NUS1: variants seen among roughly 807,000 people sequenced by gnomAD.
The protein encoded by NUS1 is NUS1 dehydrodolichyl diphosphate synthase subunit.
For missense variants in NUS1, 292 were observed against 382.9 expected (o/e 0.76, Z 1.98); for synonymous variants, 135 against 155.2 (o/e 0.87, Z 0.97).
rs979892741 is a variant in NUS1 at position 117,706,795 on chromosome 6, A to G, written c.792-130A>G. On this transcript the variant is annotated intron_variant, in intron 4 of 4. Coordinates refer to ENST00000368494, the MANE Select transcript of NUS1 (RefSeq NM_138459.5). The stretch of plus-strand genomic sequence containing the variant: ...GATTAAGACATTTTCCGTGCCTGTC[A>G]TGGTGCTGTCTGGTGGAGGATAATT... The G allele has an allele frequency of 1.0e-5, 7 of 694,610 alleles. No individual in the cohort carries two copies. The African/African-American group carries it at 1.3e-4, about 12-fold the overall frequency. 43.0% of individuals were successfully genotyped at this position (694,610 alleles called of 1,614,324 possible).
intron 1 of NUS1, among the ~76,000 whole-genome samples, chr6:117,687,770 G>C (rs570636560): frequency 1.3e-5 from 2 of 152,296 alleles, no homozygotes; most frequent in East Asian, 3.9e-4. Flanking sequence ...TGTTAATGTT[G>C]GGCTGAGCAG....
chr6:117,703,554 G>T (rs1562182966), intron 3 of NUS1, 51 bp from the exon 4 acceptor site: 2 of 1,211,456 alleles, frequency 1.7e-6, no homozygotes, highest in Middle Eastern at 2.0e-4. Context: ...GTGTGTGTGT[G>T]TGTGCACATG....
intron 1 of NUS1, among the ~76,000 whole-genome samples, chr6:117,689,147 A>G (rs1773180703): frequency 6.6e-6 from 1 of 152,172 alleles, no homozygotes; most frequent in Non-Finnish European, 1.5e-5. Flanking sequence ...ATAAAGATAG[A>G]ATTTTGAGAA....
rs542967012 is a variant in NUS1 at position 117,708,238 on chromosome 6, G to C, written c.*1223G>C. ...TCTTTTATGACAGAGAGCAGCACTGGTTCTGTTATTTTTAAAATGAATAAT... is the reference window on the plus strand; with the variant it reads ...TCTTTTATGACAGAGAGCAGCACTGCTTCTGTTATTTTTAAAATGAATAAT... On this transcript the variant is annotated 3_prime_UTR_variant, in exon 5 of 5. Coordinates refer to ENST00000368494, the MANE Select transcript of NUS1 (RefSeq NM_138459.5). 4 of 152,614 alleles carry C rather than the reference G, an allele frequency of 2.6e-5. No homozygotes were observed. The highest frequency in any genetic ancestry group is 6.5e-5 in the Admixed American group (1 of 15,288). The allele number at this position is 152,614 out of a possible 1,614,324, so 9.5% of individuals were successfully genotyped here. A position where few individuals can be genotyped will look rare whatever the true frequency, so the allele number is the denominator to read the frequency against.
In NUS1 at chr6:117,709,631, G is replaced by C. The variant is rs1466678125; in HGVS notation, c.*2616G>C. 5 of 152,022 alleles carry C rather than the reference G, an allele frequency of 3.3e-5. No homozygotes were observed. The highest frequency in any genetic ancestry group is 4.4e-5 in the Non-Finnish European group (3 of 67,838). 9.4% of individuals were successfully genotyped at this position (152,022 alleles called of 1,614,324 possible). ...GTTACTGGATTAGCTCCCTCCTCCTGTGTGATGGTACCATGCATAGAGTCA... is the reference window on the plus strand; with the variant it reads ...GTTACTGGATTAGCTCCCTCCTCCTCTGTGATGGTACCATGCATAGAGTCA... On this transcript the variant is annotated 3_prime_UTR_variant, in exon 5 of 5. Transcript: ENST00000368494.
chr6:117,691,552 G>GATAGAT (rs1258674063), intron 1 of NUS1, among the ~76,000 whole-genome samples: 19 of 37,556 alleles, frequency 5.1e-4, no homozygotes, highest in African/African-American at 1.0e-3. Context: ...CTGTGCCATA[G>GATAGAT]ATATAGATAT....
chr6:117,707,479 C>A lies in NUS1; in HGVS notation c.*464C>A, dbSNP rs1026305251. 5.5e-5 allele frequency: 8 copies of A among 145,174 alleles called. No homozygotes were observed. The highest frequency in any genetic ancestry group is 8.7e-5 in the Non-Finnish European group (6 of 68,872). The allele number at this position is 145,174 out of a possible 1,614,324, so 9.0% of individuals were successfully genotyped here. ...AAGAATAATATATTGACTTACTGAA[C>A]TGAAGCATTCTGAGTTGAAAGGAGC... On this transcript the variant is annotated 3_prime_UTR_variant, in exon 5 of 5. Coordinates refer to ENST00000368494, the MANE Select transcript of NUS1 (RefSeq NM_138459.5).
In NUS1 at chr6:117,694,100, C is replaced by T; in HGVS notation, c.611C>T (p.Ala204Val). The change falls in exon 3 of 5, where the codon GCT becomes GTT. Residue 204 changes from alanine (A) to valine (V), a missense_variant. Transcript: ENST00000368494. ...GGAAAAGCAGATATTGTAAGAGCTG[C>T]TCAGGACTTTTGCCAGTTAGTAGCC... The part of the protein sequence containing the change: ...EDGKADIVRA[A>V]QDFCQLVAQK... 6.2e-7 allele frequency: 1 copy of T among 1,612,700 alleles called. No homozygotes were observed. The highest frequency in any genetic ancestry group is 8.5e-7 in the Non-Finnish European group (1 of 1,179,248).
Position 117,686,258 on chromosome 6 carries a change from T to TA in NUS1, c.416-6773dup, listed in dbSNP as rs1028847521. The stretch of plus-strand genomic sequence containing the variant: ...CTGGGCAACAGAGCAAGATTCCGTC[T>TA]AAAAAAAAAAAGCTCTAGTCCTAGT... On this transcript the variant is annotated intron_variant, in intron 1 of 4. Transcript: ENST00000368494. Among the ~76,000 whole-genome samples the TA allele has an allele frequency of 6.1e-3, 869 of 142,700 alleles. 7 individuals are homozygous for TA. Among genetic ancestry groups the TA allele is most frequent in the Non-Finnish European group, 0.011 (687 of 64,958 alleles). The allele number at this position is 142,700 out of a possible 152,430, so 93.6% of individuals were successfully genotyped here.
In NUS1 at chr6:117,703,665, T is replaced by C; in HGVS notation, c.752T>C (p.Leu251Ser). 1.2e-6 allele frequency: 2 copies of C among 1,613,764 alleles called. No homozygotes were observed. The highest frequency in any genetic ancestry group is 1.7e-6 in the Non-Finnish European group (2 of 1,179,652). The part of the protein sequence containing the change: ...VLKFGPVDST[L>S]GFLPWHIRLT... ...AAGTTCGGTCCTGTGGACAGCACAT[T>C]AGGCTTTCTTCCCTGGCACATCAGA... Residue 251 changes from leucine to serine, a missense_variant, in exon 4 of 5, where the codon TTA (leucine) becomes TCA (serine). By Grantham distance (145) the Leu-to-Ser change is moderately radical (BLOSUM62 -2). Coordinates refer to ENST00000368494, the MANE Select transcript of NUS1 (RefSeq NM_138459.5).
At chr6:117,690,132 T>G (rs1360533843) in intron 1 of NUS1, among the ~76,000 whole-genome samples, 3 of 152,226 alleles carry the variant, frequency 2.0e-5, no homozygotes, top group Admixed American at 6.5e-5. Flanking sequence ...GCCATTCAAA[T>G]AGCTCCTGAT....
chr6:117,687,367 G>A (rs1194134219), intron 1 of NUS1, among the ~76,000 whole-genome samples: 2 of 152,184 alleles, frequency 1.3e-5, no homozygotes, highest in African/African-American at 4.8e-5. Context: ...AAAGAGATGA[G>A]TAAGACACAT....
At chr6:117,696,815 A>G (rs1019651931) in intron 3 of NUS1, among the ~76,000 whole-genome samples, 5 of 152,162 alleles carry the variant, frequency 3.3e-5, no homozygotes, top group African/African-American at 1.2e-4. Context: ...TTAATGAGCA[A>G]TAAATCATCT....
At chr6:117,678,704 G>C (rs1386625882) in intron 1 of NUS1, among the ~76,000 whole-genome samples, 1 of 136,168 alleles carries the variant, frequency 7.3e-6, no homozygotes, top group Admixed American at 8.2e-5. Flanking sequence ...TTTTTGAGAC[G>C]GAGTCTCGCT....
At chr6:117,681,189 T>C (rs961575267) in intron 1 of NUS1, among the ~76,000 whole-genome samples, 1 of 152,222 alleles carries the variant, frequency 6.6e-6, no homozygotes, top group Non-Finnish European at 1.5e-5. Context: ...TATCTTACTA[T>C]ATCTCTGAAT....
At chr6:117,685,962 AT>A (rs1773131910) in intron 1 of NUS1, among the ~76,000 whole-genome samples, 2 of 136,298 alleles carry the variant, frequency 1.5e-5, no homozygotes, top group African/African-American at 2.9e-5. Context: ...ACTCCGTCTC[AT>A]TAAAAAAAAA....
intron 3 of NUS1, among the ~76,000 whole-genome samples, chr6:117,699,145 A>C (rs137947087): frequency 1.3e-5 from 2 of 152,074 alleles, no homozygotes; most frequent in Non-Finnish European, 2.9e-5. Flanking sequence ...TGGCGGTCCT[A>C]GCTAGAGCAA....
intron 1 of NUS1, among the ~76,000 whole-genome samples, chr6:117,682,629 C>T (rs4552764): frequency 2.0e-5 from 3 of 152,026 alleles, no homozygotes; most frequent in African/African-American, 2.4e-5. Context: ...GTATCTTAAG[C>T]GTAATAATTA....
At chr6:117,676,802 T>A (rs1472908814) in intron 1 of NUS1, among the ~76,000 whole-genome samples, 1 of 152,230 alleles carries the variant, frequency 6.6e-6, no homozygotes, top group Non-Finnish European at 1.5e-5. Flanking sequence ...TACACCACAC[T>A]GTTTCTTTAA....
Sources: gnomAD v4.1 joint callset for allele counts (sites outside exome capture counted in the v4.1 genomes callset) on GRCh38, gnomAD v4.1.1 for gene constraint, MANE v1.5 for transcripts, NCBI Gene and HGNC (gene_info 2026-07-23, HGNC 2026-07-21) for gene names.